Variants in IL1RAPL1 observed in about 807,000 individuals in gnomAD.
IL1RAPL1 encodes the protein interleukin 1 receptor accessory protein like 1.
In IL1RAPL1, 3 loss-of-function variants were observed where a neutral mutation model predicts 48.4. That is an observed-to-expected ratio of 0.06 (90% CI 0.03 to 0.16). The LOEUF (loss-of-function observed/expected upper bound fraction) is 0.16, where lower values mean the gene tolerates loss of function less well. Ranked by LOEUF, IL1RAPL1 falls within the 10% of genes least tolerant of loss-of-function variation. The pLI, the probability that IL1RAPL1 is intolerant of heterozygous loss-of-function variation, is 1.00. For missense variants in IL1RAPL1, 349 were observed against 530.6 expected (o/e 0.66, Z 3.36); for synonymous variants, 185 against 187.7 (o/e 0.99, Z 0.12).
chrX:29,188,998 C>T (rs1930305591), intron 2 of IL1RAPL1, among the ~76,000 whole-genome samples: 1 of 111,733 alleles, frequency 8.9e-6, no homozygotes, highest in Non-Finnish European at 1.9e-5. Context: ...CAACTGTGAG[C>T]CATAAGAAGG....
chrX:29,564,169 C>T (rs1367520743), intron 5 of IL1RAPL1, among the ~76,000 whole-genome samples: 4 of 111,764 alleles, frequency 3.6e-5, no homozygotes, highest in Non-Finnish European at 7.5e-5. Context: ...TTGCTGATGG[C>T]ACCTTCAAAG....
intron 6 of IL1RAPL1, among the ~76,000 whole-genome samples, chrX:29,805,318 T>A (rs1181349121): frequency 3.6e-5 from 4 of 111,046 alleles, no homozygotes; most frequent in Non-Finnish European, 7.5e-5. Flanking sequence ...TTTTATCAGA[T>A]GGGGAATTCC....
At chrX:29,001,921 G>C (rs1283841790) in intron 2 of IL1RAPL1, among the ~76,000 whole-genome samples, 1 of 103,064 alleles carries the variant, frequency 9.7e-6, no homozygotes, top group Non-Finnish European at 2.0e-5. Flanking sequence ...TTTTTTAACG[G>C]AGTCTGGCTT....
At chrX:29,905,747 TATATTCCCTTTTATAG>T (rs1274207198) in intron 6 of IL1RAPL1, among the ~76,000 whole-genome samples, 1 of 111,328 alleles carries the variant, frequency 9.0e-6, no homozygotes, top group East Asian at 2.8e-4. Flanking sequence ...ATAAGGCAAA[TATATTCCCTTTTATAG>T]ATAATTTTCA....
At chrX:29,418,106 TA>T (rs1934241189) in intron 5 of IL1RAPL1, among the ~76,000 whole-genome samples, 1 of 40,290 alleles carries the variant, frequency 2.5e-5, no homozygotes, top group South Asian at 1.2e-3. Context: ...TATATATATA[TA>T]TATATATATA....
chrX:29,137,127 GCCTCAGCTAC>G (rs1929145187), intron 2 of IL1RAPL1, among the ~76,000 whole-genome samples: 2 of 63,559 alleles, frequency 3.1e-5, no homozygotes, highest in Non-Finnish European at 5.3e-5. Flanking sequence ...GCTTACCTTG[GCCTCAGCTAC>G]CTTACTGCTT....
intron 3 of IL1RAPL1, among the ~76,000 whole-genome samples, chrX:29,317,758 G>A (rs1328679755): frequency 8.9e-6 from 1 of 112,208 alleles, no homozygotes; most frequent in Non-Finnish European, 1.9e-5. Context: ...GTGTGGCTGT[G>A]TATGTGGATG....
At chrX:29,123,006 T>TTTAA (rs1207438857) in intron 2 of IL1RAPL1, among the ~76,000 whole-genome samples, 2 of 34,137 alleles carry the variant, frequency 5.9e-5, no homozygotes, top group Non-Finnish European at 8.6e-5. Flanking sequence ...AATAGCACGT[T>TTTAA]TTATTTATTT....
chrX:29,941,611 G>A (rs1010648021), intron 8 of IL1RAPL1, 40 bp from the exon 9 acceptor site: 2 of 1,182,425 alleles, frequency 1.7e-6, no homozygotes, highest in Non-Finnish European at 2.3e-6. Flanking sequence ...TTTTGGATGT[G>A]AATACCATAT....
At position 29,408,733 on chromosome X, in the gene IL1RAPL1, A is replaced by G. The variant is rs750553829; in HGVS notation, c.703+9425A>G. ...CTGAATTTACGCTCTCAAAAGGTACATCTTCCTCCTCTTTTAATGGATGAG... is the reference window on the plus strand; with the variant it reads ...CTGAATTTACGCTCTCAAAAGGTACGTCTTCCTCCTCTTTTAATGGATGAG... On this transcript the variant is annotated intron_variant, in intron 5 of 10. Coordinates refer to ENST00000378993, the MANE Select transcript of IL1RAPL1 (RefSeq NM_014271.4). Among the ~76,000 whole-genome samples the G allele has an allele frequency of 2.7e-5, 3 of 112,176 alleles. No individual in the cohort carries two copies. The Admixed American group carries it at 2.8e-4, about 11-fold the overall frequency.
At chrX:29,686,643 C>T (rs979400225) in intron 6 of IL1RAPL1, among the ~76,000 whole-genome samples, 6 of 108,718 alleles carry the variant, frequency 5.5e-5, no homozygotes, top group African/African-American at 1.7e-4. Context: ...CTGCAAGCTC[C>T]GCCTCCCGGG....
chrX:29,595,727 CT>C (rs1438707865), intron 5 of IL1RAPL1, among the ~76,000 whole-genome samples: 193 of 112,212 alleles, frequency 1.7e-3, no homozygotes, highest in African/African-American at 6.0e-3. Context: ...TGTGCAGAAG[CT>C]TTTTACTTAA....
intron 1 of IL1RAPL1, among the ~76,000 whole-genome samples, chrX:28,673,576 G>T (rs1351933479): frequency 8.9e-6 from 1 of 111,986 alleles, no homozygotes; most frequent in Non-Finnish European, 1.9e-5. Flanking sequence ...TAATATCTTA[G>T]TTTGAAGGGC....
chrX:28,724,551 T>C (rs1278482599), intron 1 of IL1RAPL1, among the ~76,000 whole-genome samples: 1 of 111,535 alleles, frequency 9.0e-6, no homozygotes. Flanking sequence ...CTTTATCCAA[T>C]TTGCCAGTCT....
chrX:28,700,024 C>T (rs753024732), intron 1 of IL1RAPL1, among the ~76,000 whole-genome samples: 192 of 110,189 alleles, frequency 1.7e-3, no homozygotes, highest in African/African-American at 5.2e-3. Context: ...GCTATAATAC[C>T]CCACAGAGAC....
intron 2 of IL1RAPL1, among the ~76,000 whole-genome samples, chrX:29,052,941 A>T (rs1028557736): frequency 9.0e-6 from 1 of 111,682 alleles, no homozygotes; most frequent in African/African-American, 3.3e-5. Context: ...AACTTGTGTC[A>T]TGGGGGTTTG....
chrX:29,295,258 A>AT (rs1932432541), intron 3 of IL1RAPL1, among the ~76,000 whole-genome samples: 1 of 111,951 alleles, frequency 8.9e-6, no homozygotes, highest in Non-Finnish European at 1.9e-5. Context: ...AAACCTAAAC[A>AT]TTTTTACCAA....
rs1243215732 is a variant in IL1RAPL1 at position 29,803,250 on chromosome X, T to TGC, written c.779-114214_779-114213insGC. ...ATACACACATGTATATATGTATACA[T>TGC]ATACACACATGTATATATGTATACA... On this transcript the variant is annotated intron_variant, in intron 6 of 10. Transcript: ENST00000378993. Among the ~76,000 whole-genome samples the TGC allele has an allele frequency of 4.2e-3, 140 of 32,963 alleles. 10 individuals carry two copies. Among genetic ancestry groups the TGC allele is most frequent in the Non-Finnish European group, 7.8e-3 (132 of 16,839 alleles). 28.6% of individuals were successfully genotyped at this position (32,963 alleles called of 115,157 possible).
intron 6 of IL1RAPL1, among the ~76,000 whole-genome samples, chrX:29,856,659 T>C (rs1196779766): frequency 8.9e-6 from 1 of 111,786 alleles, no homozygotes; most frequent in Non-Finnish European, 1.9e-5. Context: ...GCTGAATTCA[T>C]GTATCCAGGG....
Sources: gnomAD v4.1 joint callset for allele counts (sites outside exome capture counted in the v4.1 genomes callset) on GRCh38, gnomAD v4.1.1 for gene constraint, MANE v1.5 for transcripts, NCBI Gene and HGNC (gene_info 2026-07-23, HGNC 2026-07-21) for gene names.